The following IDO2 variants were observed in gnomAD, a reference collection of about 807,000 sequenced individuals.
The protein encoded by IDO2 is indoleamine 2,3-dioxygenase 2, also known as indoleamine 2,3-dioxygenase-like 1 protein.
IDO2 carries 46 observed loss-of-function variants against 45.1 expected under a neutral mutation model. The observed-to-expected ratio is 1.02, with a 90% CI of 0.80 to 1.30. IDO2 has a LOEUF of 1.30. Ranked by LOEUF, IDO2 falls within the 50% of genes most tolerant of loss-of-function variation. The probability of loss-of-function intolerance (pLI) is 0.00; values close to 1 mark genes in which losing one functional copy is unlikely to be tolerated. For missense variants in IDO2, 544 were observed against 491.8 expected, an observed-to-expected ratio of 1.11 and a Z score of -1.00; for synonymous variants, 218 against 184.9, an observed-to-expected ratio of 1.18 and a Z score of -1.45.
chr8:39,995,294 T>TCTTCTTCCTC (rs1802025272), intron 8 of IDO2: 1 of 87,482 alleles, frequency 1.1e-5, no homozygotes, highest in Admixed American at 1.3e-4. Flanking sequence ...TCTTCTTTTT[T>TCTTCTTCCTC]TTTTGAGATG....
intron 3 of IDO2, among the ~76,000 whole-genome samples, chr8:39,970,958 G>C (rs1808169592): frequency 6.6e-6 from 1 of 151,620 alleles, no homozygotes; most frequent in Admixed American, 6.6e-5. Flanking sequence ...GTAGAGACGG[G>C]GTTTCACCAT....
intron 3 of IDO2, among the ~76,000 whole-genome samples, chr8:39,967,619 C>G (rs112150236): frequency 5.9e-5 from 9 of 151,892 alleles, no homozygotes; most frequent in African/African-American, 2.2e-4. Context: ...TCCCGAGTAG[C>G]TGGGATTACA....
chr8:40,015,195 C>T, intron 10 of IDO2, 52 bp from the exon 11 acceptor site: 1 of 1,060,178 alleles, frequency 9.4e-7, no homozygotes, highest in Non-Finnish European at 1.4e-6. Context: ...CAGACGAGCT[C>T]TGCTATATTT....
chr8:39,961,750 C>A (rs1382447933), intron 2 of IDO2, among the ~76,000 whole-genome samples: 3 of 152,176 alleles, frequency 2.0e-5, no homozygotes, highest in Non-Finnish European at 4.4e-5. Flanking sequence ...AATTTACCAC[C>A]TTTATCCCCA....
chr8:39,947,143 C>T (rs540566480), intron 1 of IDO2, among the ~76,000 whole-genome samples: 1 of 83,940 alleles, frequency 1.2e-5, no homozygotes, highest in Non-Finnish European at 2.2e-5. Flanking sequence ...CCAACAGGGG[C>T]AAAACTCTAG....
Position 39,949,833 on chromosome 8 carries a change from T to G in IDO2, c.99+569T>G, listed in dbSNP as rs980688087. Among the ~76,000 whole-genome samples the G allele has an allele frequency of 2.6e-5, 4 of 152,206 alleles. No individual in the cohort carries two copies. The East Asian group carries it at 7.7e-4, about 29-fold the overall frequency. On this transcript the variant is annotated intron_variant, in intron 2 of 10. Coordinates refer to ENST00000502986, the Ensembl canonical transcript of IDO2. ...GAAAAAAAGAGAACATGAGGAAACT[T>G]GGGTGCTTTCAGGGCTGGTAGGAAG...
chr8:39,937,010 T>C (rs1057408838), intron 1 of IDO2, among the ~76,000 whole-genome samples: 2 of 152,246 alleles, frequency 1.3e-5, no homozygotes, highest in Non-Finnish European at 2.9e-5. Context: ...TCATGACTAG[T>C]TCATCTTCCC....
chr8:39,992,107 G>T (rs931061111), intron 8 of IDO2, among the ~76,000 whole-genome samples: 2 of 152,200 alleles, frequency 1.3e-5, no homozygotes, highest in African/African-American at 4.8e-5. Context: ...GCCATCCTGC[G>T]CGCTCCTCCA....
intron 2 of IDO2, among the ~76,000 whole-genome samples, chr8:39,960,735 C>A (rs1390273936): frequency 1.3e-5 from 2 of 152,204 alleles, no homozygotes; most frequent in East Asian, 3.8e-4. Flanking sequence ...GGTTGACCTT[C>A]TGATGATTCT....
At chr8:39,950,013 A>G (rs1807789578) in intron 2 of IDO2, among the ~76,000 whole-genome samples, 1 of 151,958 alleles carries the variant, frequency 6.6e-6, no homozygotes, top group Admixed American at 6.6e-5. Context: ...GGTGTGGTCC[A>G]AGGCCTAGAA....
chr8:39,989,375 G>C (rs577598278), intron 7 of IDO2, among the ~76,000 whole-genome samples: 5 of 151,164 alleles, frequency 3.3e-5, no homozygotes, highest in African/African-American at 9.6e-5. Flanking sequence ...CTTTATATGA[G>C]AGCTTCGGAG....
chr8:39,984,981 G>T lies in IDO2; in HGVS notation c.435-527G>T, dbSNP rs780714039. ...GAGTCTCCCTCTGTCTCCCAGGCTG[G>T]AGTGCAGTGGCATGATCTCGGCTCA... On this transcript the variant is annotated intron_variant, in intron 5 of 10. Coordinates refer to ENST00000502986, the Ensembl canonical transcript of IDO2. 97 of 410,442 alleles carry T rather than the reference G, an allele frequency of 2.4e-4. 1 individual carries two copies. The highest frequency in any genetic ancestry group is 3.7e-4 in the Non-Finnish European group (79 of 210,678). The allele number at this position is 410,442 out of a possible 1,614,324, so 25.4% of individuals were successfully genotyped here.
intron 8 of IDO2, among the ~76,000 whole-genome samples, chr8:39,996,065 C>A (rs1802039764): frequency 8.1e-6 from 1 of 123,842 alleles, no homozygotes; most frequent in Admixed American, 8.7e-5. Context: ...AAACTTTATA[C>A]CTAAGAGTAA....
rs2129594789 is a variant in IDO2 at position 39,990,250 on chromosome 8, C to T, written c.667+412C>T. Among the ~76,000 whole-genome samples the T allele has an allele frequency of 2.6e-5, 4 of 152,230 alleles. No homozygotes were observed. In the South Asian group the frequency reaches 8.3e-4, roughly 32 times the overall value. ...TTTATTCTAACCCCCTGTGTTGGTT[C>T]CTGAGATGTCTGACCTTGGTTTTAA... is the stretch of plus-strand genomic sequence containing the variant. On this transcript the variant is annotated intron_variant, in intron 8 of 10. Transcript: ENST00000502986.
intron 6 of IDO2, 110 bp downstream of exon 6, chr8:39,985,632 C>A (rs2129594615): frequency 1.0e-5 from 9 of 880,346 alleles, no homozygotes; most frequent in Admixed American, 2.9e-5. Flanking sequence ...ATAATATCAA[C>A]CATATAAAAT....
At chr8:39,971,385 A>G (rs962919555) in intron 3 of IDO2, among the ~76,000 whole-genome samples, 1 of 152,194 alleles carries the variant, frequency 6.6e-6, no homozygotes. Flanking sequence ...GTCACCCAAG[A>G]GCTCTACTGG....
intron 1 of IDO2, among the ~76,000 whole-genome samples, chr8:39,941,662 TAAG>T (rs1192586423): frequency 6.6e-6 from 1 of 151,940 alleles, no homozygotes; most frequent in Non-Finnish European, 1.5e-5. Context: ...TAAAAATACA[TAAG>T]AACACTGAGA....
chr8:39,998,431 C>G (rs921683926), intron 8 of IDO2: 1 of 152,118 alleles, frequency 6.6e-6, no homozygotes. Flanking sequence ...AATGACTCCT[C>G]CAGGGCAGTC....
intron 8 of IDO2, among the ~76,000 whole-genome samples, chr8:40,003,368 CA>C (rs1172335332): frequency 0.021 from 2,521 of 118,314 alleles, 45 homozygotes; most frequent in East Asian, 0.069. Context: ...GACTCCATCT[CA>C]AAAAAAAAAA....
Sources: gnomAD v4.1 joint callset for allele counts (sites outside exome capture counted in the v4.1 genomes callset) on GRCh38, gnomAD v4.1.1 for gene constraint, MANE v1.5 for transcripts, NCBI Gene and HGNC (gene_info 2026-07-23, HGNC 2026-07-21) for gene names.